CDC42BPA: variants seen among roughly 807,000 people sequenced by gnomAD.
The protein encoded by CDC42BPA is CDC42 binding protein kinase alpha, also known as serine/threonine-protein kinase MRCK alpha.
Under a neutral mutation model 223.5 loss-of-function variants are expected in CDC42BPA, and 80 were observed. The observed-to-expected ratio is 0.36, with a 90% CI of 0.30 to 0.43. The LOEUF is 0.43. Among genes scored for constraint, CDC42BPA ranks in the 20% least tolerant of loss-of-function variants. CDC42BPA has a pLI of 1.00. For synonymous variants in CDC42BPA, 694 were observed against 718.6 expected (o/e 0.97, Z 0.55); for missense variants, 1,743 against 2,099.9 (o/e 0.83, Z 3.32).
chr1:227,051,737 T>A (rs2148872606), intron 22 of CDC42BPA, 144 bp downstream of exon 22: 1 of 389,936 alleles, frequency 2.6e-6, no homozygotes, highest in East Asian at 7.2e-5. Flanking sequence ...TCTACCTACA[T>A]TATCAGTTAA....
At chr1:227,205,899 A>T (rs926504912) in intron 3 of CDC42BPA, among the ~76,000 whole-genome samples, 3 of 152,052 alleles carry the variant, frequency 2.0e-5, no homozygotes, top group African/African-American at 7.2e-5. Flanking sequence ...AAATACAAAA[A>T]TTAGCTGAGT....
chr1:227,148,651 C>T (rs1158081121), intron 6 of CDC42BPA, among the ~76,000 whole-genome samples: 1 of 151,752 alleles, frequency 6.6e-6, no homozygotes, highest in Admixed American at 6.6e-5. Context: ...CCTGCAGTCC[C>T]AGCTACTCAG....
rs1677768374 is a variant in CDC42BPA at position 227,230,823 on chromosome 1, T to C, written c.271-17604A>G. Among the ~76,000 whole-genome samples the C allele has an allele frequency of 6.1e-5, 5 of 81,304 alleles. 1 individual carries two copies. Among genetic ancestry groups the C allele is most frequent in the Admixed American group, 4.4e-4 (4 of 9,114 alleles). 53.3% of individuals were successfully genotyped at this position (81,304 alleles called of 152,430 possible). On this transcript the variant is annotated intron_variant, in intron 2 of 36. Coordinates refer to ENST00000366766, the MANE Select transcript of CDC42BPA (RefSeq NM_001394014.1). ...TCTATTTCTTTTTTCTTTCTTTCTT[T>C]TTTTTTTTTTTTTTTTGAGACAGAG... is the stretch of plus-strand genomic sequence containing the variant.
At chr1:227,258,304 A>G (rs747400087) in intron 1 of CDC42BPA, among the ~76,000 whole-genome samples, 1 of 150,916 alleles carries the variant, frequency 6.6e-6, no homozygotes, top group Non-Finnish European at 1.5e-5. Flanking sequence ...AAACAAAGGC[A>G]TCCTTAAACC....
intron 4 of CDC42BPA, among the ~76,000 whole-genome samples, chr1:227,197,271 A>C (rs1365275286): frequency 6.6e-6 from 1 of 152,098 alleles, no homozygotes; most frequent in Non-Finnish European, 1.5e-5. Flanking sequence ...GACATTTTTT[A>C]ATGATTTTTG....
At chr1:227,002,763 A>C (rs1200475835) in intron 35 of CDC42BPA, among the ~76,000 whole-genome samples, 1 of 152,146 alleles carries the variant, frequency 6.6e-6, no homozygotes, top group East Asian at 1.9e-4. Context: ...TCAGTGAGGA[A>C]CTCAGACGTG....
chr1:227,139,770 T>C, intron 9 of CDC42BPA, 28 bp from the exon 10 acceptor site: 3 of 1,397,522 alleles, frequency 2.1e-6, no homozygotes, highest in East Asian at 5.1e-5. Context: ...AAATGTAGGT[T>C]CATACTGTGA....
intron 16 of CDC42BPA, among the ~76,000 whole-genome samples, chr1:227,086,843 A>G (rs1271669518): frequency 6.6e-6 from 1 of 151,910 alleles, no homozygotes; most frequent in East Asian, 1.9e-4. Context: ...AATATTTAAA[A>G]AAGATTTTGT....
At chr1:227,261,566 C>T (rs1684079766) in intron 1 of CDC42BPA, among the ~76,000 whole-genome samples, 1 of 144,456 alleles carries the variant, frequency 6.9e-6, no homozygotes, top group African/African-American at 2.9e-5. Context: ...AATATACAAT[C>T]AAACTAATGA....
rs755523474 is a variant in CDC42BPA at position 227,034,726 on chromosome 1, G to C, written c.3405C>G (p.Leu1135=). ...RALAIVCDFK[L]FLYDIAEGKA... ...TTCCTTCAGCAATATCGTACAGAAA[G>C]AGTTTGAAGTCACACACTATAGCCA... Residue 1135 remains leucine, a synonymous_variant, in exon 26 of 37, where the codon CTC becomes CTG. Transcript: ENST00000366766. 13 of 1,613,668 alleles carry C rather than the reference G, an allele frequency of 8.1e-6. No homozygotes were observed. Among genetic ancestry groups the C allele is most frequent in the Non-Finnish European group, 1.1e-5 (13 of 1,179,804 alleles).
chr1:227,133,488 C>T (rs1657783565), intron 10 of CDC42BPA, among the ~76,000 whole-genome samples: 1 of 152,190 alleles, frequency 6.6e-6, no homozygotes, highest in African/African-American at 2.4e-5. Context: ...TGAGAACGGG[C>T]CATGATGACA....
At chr1:227,244,369 C>T (rs924045866) in intron 2 of CDC42BPA, among the ~76,000 whole-genome samples, 4 of 151,956 alleles carry the variant, frequency 2.6e-5, no homozygotes, top group Non-Finnish European at 4.4e-5. Flanking sequence ...TACTGTTGAG[C>T]ACAAGAAGCC....
In CDC42BPA at chr1:227,033,368, T is replaced by C. The variant is rs1558332832; in HGVS notation, c.3524A>G (p.His1175Arg). ...VSSVLASDVI[H>R]ASRKDIPCIF... is the part of the protein sequence containing the mutation. ...ACAGGGTATATCTTTCCGACTTGCA[T>C]GGATAACATCAGAAGCCAAGACTGA... The change falls in exon 27 of 37, where the codon CAT becomes CGT. Residue 1175 changes from histidine to arginine, a missense_variant. Physicochemically the swap from His to Arg is conservative, Grantham distance 29. Transcript: ENST00000366766. 1.2e-6 allele frequency: 2 copies of C among 1,613,358 alleles called. No homozygotes were observed. Among genetic ancestry groups the C allele is most frequent in the Non-Finnish European group, 1.7e-6 (2 of 1,179,346 alleles).
intron 14 of CDC42BPA, among the ~76,000 whole-genome samples, chr1:227,102,711 C>T (rs907730391): frequency 6.6e-6 from 1 of 152,048 alleles, no homozygotes; most frequent in African/African-American, 2.4e-5. Context: ...ATTAAACCAT[C>T]TGTAAAAAAG....
At chr1:227,023,739 G>A (rs1295688985) in intron 31 of CDC42BPA, among the ~76,000 whole-genome samples, 1 of 152,162 alleles carries the variant, frequency 6.6e-6, no homozygotes, top group Non-Finnish European at 1.5e-5. Flanking sequence ...GATCACTGGG[G>A]AAAGGAGGGA....
chr1:227,286,773 A>G (rs974823650), intron 1 of CDC42BPA, among the ~76,000 whole-genome samples: 1 of 152,224 alleles, frequency 6.6e-6, no homozygotes, highest in Admixed American at 6.5e-5. Context: ...ACAAAAAAGC[A>G]TGGCACCAGC....
rs553268216 is a variant in CDC42BPA at position 227,121,370 on chromosome 1, C to T, written c.1514-1433G>A. On this transcript the variant is annotated intron_variant, in intron 11 of 36. Transcript: ENST00000366766. ...TAGTCCTATTGGGAAGAGCAATTCA[C>T]TTGTGTAGATGAATCCTGGAGTCTA... 1.2e-4 allele frequency among the ~76,000 whole-genome samples: 18 copies of T among 152,286 alleles called. No individual in the cohort carries two copies. In the South Asian group the frequency reaches 3.7e-3, roughly 32 times the overall value.
chr1:227,271,510 G>GA (rs920287662), intron 1 of CDC42BPA, among the ~76,000 whole-genome samples: 32 of 146,792 alleles, frequency 2.2e-4, no homozygotes, highest in African/African-American at 6.2e-4. Flanking sequence ...TTTCCTGTAG[G>GA]AAAAAAAAAA....
In CDC42BPA at chr1:227,317,606, T is replaced by A. The variant is rs1405818662; in HGVS notation, c.-424A>T. ...CCGGTTGCATCATTAATGAATAAAG[T>A]CCGATTTGCATCAGCAATTCACTTC... On this transcript the variant is annotated 5_prime_UTR_variant, in exon 1 of 37. Transcript: ENST00000366766. The A allele has an allele frequency of 7.6e-6, 3 of 397,176 alleles. No homozygotes were observed. The highest frequency in any genetic ancestry group is 1.3e-5 in the Non-Finnish European group (3 of 225,968). 24.6% of individuals were successfully genotyped at this position (397,176 alleles called of 1,614,324 possible).
Sources: allele counts gnomAD v4.1 joint callset (sites outside exome capture counted in the v4.1 genomes callset), GRCh38; gene constraint gnomAD v4.1.1; transcripts MANE v1.5; gene names NCBI Gene and HGNC (gene_info 2026-07-23, HGNC 2026-07-21).